Variants in ARL15 observed in about 807,000 individuals in gnomAD.
ARL15 encodes ARF like GTPase 15, also known as ADP-ribosylation factor-like protein 15.
A neutral mutation model predicts 25.2 loss-of-function variants in ARL15; 19 were observed. The observed-to-expected ratio is 0.75, with a 90% CI of 0.53 to 1.10. ARL15 has a LOEUF of 1.10. Ranked by LOEUF, ARL15 falls within the 50% of genes least tolerant of loss-of-function variation. The pLI is 0.00. For missense variants in ARL15, 220 were observed against 246.0 expected, an observed-to-expected ratio of 0.89 and a Z score of 0.71; for synonymous variants, 94 against 86.8, an observed-to-expected ratio of 1.08 and a Z score of -0.46.
intron 4 of ARL15, among the ~76,000 whole-genome samples, chr5:53,913,923 C>G (rs1223098874): frequency 6.6e-6 from 1 of 152,064 alleles, no homozygotes; most frequent in Non-Finnish European, 1.5e-5. Context: ...ATGTGAAGTA[C>G]AATTATTATA....
intron 4 of ARL15, among the ~76,000 whole-genome samples, chr5:53,938,948 C>A (rs1292231041): frequency 1.3e-5 from 2 of 152,218 alleles, no homozygotes; most frequent in Admixed American, 6.5e-5. Flanking sequence ...AATTTGTTAG[C>A]ATCATAAAAT....
chr5:54,208,051 C>T (rs776110732), intron 1 of ARL15, among the ~76,000 whole-genome samples: 1 of 152,108 alleles, frequency 6.6e-6, no homozygotes, highest in Non-Finnish European at 1.5e-5. Context: ...GCTTCCCCCA[C>T]CACTGAGGCC....
At chr5:54,035,413 A>G (rs1013849391) in intron 4 of ARL15, among the ~76,000 whole-genome samples, 1 of 152,236 alleles carries the variant, frequency 6.6e-6, no homozygotes, top group Non-Finnish European at 1.5e-5. Flanking sequence ...ATTATTTTAG[A>G]ATAAAACACA....
intron 1 of ARL15, among the ~76,000 whole-genome samples, chr5:54,263,038 T>C (rs1185250309): frequency 2.6e-5 from 4 of 152,216 alleles, no homozygotes; most frequent in Admixed American, 6.5e-5. Context: ...TTTTCCACTT[T>C]GTTGCCACCA....
At chr5:54,084,359 T>A (rs575386260) in intron 4 of ARL15, among the ~76,000 whole-genome samples, 40 of 146,770 alleles carry the variant, frequency 2.7e-4, no homozygotes, top group Non-Finnish European at 8.9e-5. Flanking sequence ...CTTAGAGATC[T>A]GGAGACTCCC....
chr5:54,138,278 G>C (rs1753665855), intron 3 of ARL15, among the ~76,000 whole-genome samples: 1 of 151,914 alleles, frequency 6.6e-6, no homozygotes, highest in African/African-American at 2.4e-5. Flanking sequence ...AGGAGTTCGA[G>C]GCCAGCCTAG....
chr5:54,131,023 C>T (rs894135944), intron 3 of ARL15, among the ~76,000 whole-genome samples: 2 of 152,092 alleles, frequency 1.3e-5, no homozygotes, highest in African/African-American at 4.8e-5. Context: ...CTTAGATGTG[C>T]CTTGGAAGGA....
chr5:53,946,991 CATT>C (rs1410767361), intron 4 of ARL15, among the ~76,000 whole-genome samples: 27 of 152,090 alleles, frequency 1.8e-4, no homozygotes, highest in African/African-American at 5.8e-4. Flanking sequence ...TGTGGGATCT[CATT>C]GTTGTAGAGC....
intron 4 of ARL15, among the ~76,000 whole-genome samples, chr5:54,097,719 A>G (rs1177657191): frequency 1.3e-5 from 2 of 152,206 alleles, no homozygotes; most frequent in Non-Finnish European, 2.9e-5. Flanking sequence ...TAAAAGGAGT[A>G]AAAGAAGAAT....
chr5:54,310,286 AAGGCT>A, intron 1 of ARL15, 141 bp downstream of exon 1: 1 of 915,054 alleles, frequency 1.1e-6, no homozygotes, highest in Non-Finnish European at 1.6e-6. Context: ...AGTCCAGGGA[AAGGCT>A]TACCAGCCGG....
At chr5:54,154,475 C>T in intron 3 of ARL15, 105 bp downstream of exon 3, 2 of 676,974 alleles carry the variant, frequency 3.0e-6, no homozygotes, top group South Asian at 2.1e-5. Flanking sequence ...AAAAATGAAC[C>T]ACCTACTAAA....
chr5:54,005,253 C>G (rs1748988165), intron 4 of ARL15, among the ~76,000 whole-genome samples: 1 of 140,660 alleles, frequency 7.1e-6, no homozygotes, highest in Non-Finnish European at 1.6e-5. Flanking sequence ...AGACAAGACA[C>G]CCCCACTCCA....
intron 1 of ARL15, among the ~76,000 whole-genome samples, chr5:54,172,971 C>A (rs1343035954): frequency 6.6e-6 from 1 of 151,998 alleles, no homozygotes; most frequent in Admixed American, 6.6e-5. Flanking sequence ...GTAATCCCAG[C>A]ACTTTGGGAC....
intron 2 of ARL15, among the ~76,000 whole-genome samples, chr5:54,165,009 G>T (rs169382): frequency 0.42 from 62,942 of 151,258 alleles, 13,617 homozygotes; most frequent in East Asian, 0.82. Flanking sequence ...GTTGCTTTAT[G>T]GGCTCTCATC....
At chr5:54,252,545 G>A (rs929459527) in intron 1 of ARL15, among the ~76,000 whole-genome samples, 3 of 152,090 alleles carry the variant, frequency 2.0e-5, no homozygotes, top group African/African-American at 4.8e-5. Context: ...TTTAACCACC[G>A]ACAGGGTTCA....
At chr5:54,262,685 G>A (rs923840563) in intron 1 of ARL15, among the ~76,000 whole-genome samples, 2 of 152,056 alleles carry the variant, frequency 1.3e-5, no homozygotes, top group African/African-American at 4.8e-5. Context: ...AGAGCTGAGA[G>A]CCCCTTCTTG....
chr5:54,120,159 C>A (rs1186713954), intron 3 of ARL15, among the ~76,000 whole-genome samples: 1 of 152,156 alleles, frequency 6.6e-6, no homozygotes, highest in East Asian at 1.9e-4. Flanking sequence ...CCAAGCAAAT[C>A]ATTCTTTGCT....
chr5:54,067,664 T>C (rs1339634168), intron 4 of ARL15, among the ~76,000 whole-genome samples: 1 of 152,190 alleles, frequency 6.6e-6, no homozygotes, highest in Non-Finnish European at 1.5e-5. Flanking sequence ...GCCAGAGCAA[T>C]GAACAATTTA....
chr5:54,186,623 T>A (rs951070125), intron 1 of ARL15, among the ~76,000 whole-genome samples: 4 of 152,160 alleles, frequency 2.6e-5, no homozygotes, highest in African/African-American at 9.7e-5. Context: ...CCAAAAAAAA[T>A]TTTCCTTCAA....
Sources: allele counts gnomAD v4.1 joint callset (sites outside exome capture counted in the v4.1 genomes callset), GRCh38; gene constraint gnomAD v4.1.1; transcripts MANE v1.5; gene names NCBI Gene and HGNC (gene_info 2026-07-23, HGNC 2026-07-21).